Variants in LRFN2 observed in about 807,000 individuals in gnomAD.
LRFN2 encodes leucine rich repeat and fibronectin type III domain containing 2, also known as leucine-rich repeat and fibronectin type-III domain-containing protein 2.
A neutral mutation model predicts 37.3 loss-of-function variants in LRFN2; 18 were observed. That is an observed-to-expected ratio of 0.48 (90% confidence interval 0.33 to 0.72). The LOEUF is 0.72. Ranked by LOEUF, LRFN2 falls within the 30% of genes least tolerant of loss-of-function variation. The probability of loss-of-function intolerance (pLI) is 0.02; values close to 1 mark genes in which losing one functional copy is unlikely to be tolerated. For missense variants in LRFN2, 1,006 were observed against 1,060.7 expected, an observed-to-expected ratio of 0.95 and a Z score of 0.72; for synonymous variants, 556 against 466.6, an observed-to-expected ratio of 1.19 and a Z score of -2.47.
intron 1 of LRFN2, among the ~76,000 whole-genome samples, chr6:40,480,755 G>A (rs1029348159): frequency 6.6e-6 from 1 of 152,150 alleles, no homozygotes. Flanking sequence ...CTGCAGGGAG[G>A]GTTGTGATTA....
chr6:40,408,250 A>G (rs960320426), intron 2 of LRFN2, among the ~76,000 whole-genome samples: 5 of 152,222 alleles, frequency 3.3e-5, no homozygotes, highest in African/African-American at 4.8e-5. Context: ...ACAATAAAAA[A>G]TGGCAAAAAA....
At chr6:40,485,748 T>A (rs1764942121) in intron 1 of LRFN2, among the ~76,000 whole-genome samples, 1 of 152,184 alleles carries the variant, frequency 6.6e-6, no homozygotes, top group African/African-American at 2.4e-5. Context: ...AGGAAAGCTG[T>A]AGCTCAAGGT....
intron 1 of LRFN2, chr6:40,501,789 T>C (rs916452935): frequency 6.6e-6 from 1 of 152,056 alleles, no homozygotes; most frequent in Non-Finnish European, 1.5e-5. Context: ...AGCCAGACAC[T>C]CTTGTGAGCA....
intron 2 of LRFN2, among the ~76,000 whole-genome samples, chr6:40,402,606 T>C (rs1049583574): frequency 7.2e-5 from 11 of 152,252 alleles, no homozygotes; most frequent in African/African-American, 1.4e-4. Flanking sequence ...ATTATCATTA[T>C]GGATGAGAAA....
At chr6:40,531,003 A>G (rs773746961) in intron 1 of LRFN2, among the ~76,000 whole-genome samples, 5 of 152,226 alleles carry the variant, frequency 3.3e-5, no homozygotes, top group Non-Finnish European at 7.3e-5. Context: ...TTGAAATACC[A>G]GATGCATCCA....
At chr6:40,451,295 G>A (rs1764099251) in intron 1 of LRFN2, among the ~76,000 whole-genome samples, 1 of 152,204 alleles carries the variant, frequency 6.6e-6, no homozygotes, top group African/African-American at 2.4e-5. Flanking sequence ...AAGCTGGCAA[G>A]AAGTGGGGCC....
chr6:40,567,693 GTA>G (rs1210265441), intron 1 of LRFN2, among the ~76,000 whole-genome samples: 7 of 152,236 alleles, frequency 4.6e-5, no homozygotes, highest in African/African-American at 1.4e-4. Flanking sequence ...GGACATGTTT[GTA>G]TACAAGCACT....
At chr6:40,579,372 G>A (rs1374732938) in intron 1 of LRFN2, among the ~76,000 whole-genome samples, 1 of 152,096 alleles carries the variant, frequency 6.6e-6, no homozygotes, top group Non-Finnish European at 1.5e-5. Context: ...AAATTGGGAC[G>A]ATGACCCCAA....
intron 1 of LRFN2, among the ~76,000 whole-genome samples, chr6:40,491,244 A>G (rs924432185): frequency 2.0e-5 from 3 of 152,120 alleles, no homozygotes; most frequent in African/African-American, 7.2e-5. Flanking sequence ...CCCCACCTCA[A>G]TGTCTTTCCT....
At chr6:40,534,188 T>C (rs1412553701) in intron 1 of LRFN2, among the ~76,000 whole-genome samples, 1 of 152,188 alleles carries the variant, frequency 6.6e-6, no homozygotes, top group African/African-American at 2.4e-5. Context: ...GACCCAGTGT[T>C]AGCTCTGCCA....
chr6:40,500,082 C>T (rs1765337331), intron 1 of LRFN2, among the ~76,000 whole-genome samples: 1 of 152,244 alleles, frequency 6.6e-6, no homozygotes, highest in African/African-American at 2.4e-5. Context: ...AGCACGAAAG[C>T]CCTCTTAGCC....
At chr6:40,425,643 G>T (rs531780011) in intron 2 of LRFN2, among the ~76,000 whole-genome samples, 1 of 152,262 alleles carries the variant, frequency 6.6e-6, no homozygotes, top group South Asian at 2.1e-4. Context: ...CTGGGCCCTG[G>T]CATTGAGGGA....
chr6:40,474,573 T>C (rs1053423406), intron 1 of LRFN2, among the ~76,000 whole-genome samples: 1 of 152,216 alleles, frequency 6.6e-6, no homozygotes, highest in African/African-American at 2.4e-5. Flanking sequence ...CACTGCAACC[T>C]CTGCCTCCTG....
At position 40,557,185 on chromosome 6, in the gene LRFN2, C is replaced by T. The variant is rs147036504; in HGVS notation, c.-19+29756G>A. On this transcript the variant is annotated intron_variant, in intron 1 of 2. Coordinates refer to ENST00000338305, the MANE Select transcript of LRFN2 (RefSeq NM_020737.3). ...ACAGTGCCTCCTCACTCACCCGAGG[C>T]GAGGTCTCCATGAGTCCAGCACATG... is the stretch of plus-strand genomic sequence containing the variant. Among the ~76,000 whole-genome samples, 330 of 152,244 alleles carry T rather than the reference C, an allele frequency of 2.2e-3. 2 individuals carry two copies. Among genetic ancestry groups the T allele is most frequent in the African/African-American group, 7.5e-3 (312 of 41,530 alleles).
At chr6:40,497,969 TGAA>T (rs1345079497) in intron 1 of LRFN2, among the ~76,000 whole-genome samples, 1 of 152,312 alleles carries the variant, frequency 6.6e-6, no homozygotes, top group Non-Finnish European at 1.5e-5. Context: ...GAGCTGACCT[TGAA>T]GAAGGAGAGA....
chr6:40,523,279 C>T (rs1364553308), intron 1 of LRFN2, among the ~76,000 whole-genome samples: 1 of 152,082 alleles, frequency 6.6e-6, no homozygotes, highest in Non-Finnish European at 1.5e-5. Flanking sequence ...GGACTCTGGC[C>T]TCCAGTTTTG....
chr6:40,520,073 C>A (rs776764186), intron 1 of LRFN2, among the ~76,000 whole-genome samples: 1 of 151,956 alleles, frequency 6.6e-6, no homozygotes, highest in African/African-American at 2.4e-5. Context: ...CAAAGGTAGG[C>A]AGGGCCAGGG....
chr6:40,501,936 G>A (rs1385743078), intron 1 of LRFN2, among the ~76,000 whole-genome samples: 1 of 152,184 alleles, frequency 6.6e-6, no homozygotes, highest in Non-Finnish European at 1.5e-5. Context: ...TTTGTCATTA[G>A]TGACTTCATG....
At chr6:40,516,864 C>T (rs1050947045) in intron 1 of LRFN2, among the ~76,000 whole-genome samples, 2 of 152,156 alleles carry the variant, frequency 1.3e-5, no homozygotes, top group Non-Finnish European at 2.9e-5. Context: ...AAGAAAGGGG[C>T]AGAAAAAGAC....
Sources: allele counts gnomAD v4.1 joint callset (sites outside exome capture counted in the v4.1 genomes callset), GRCh38; gene constraint gnomAD v4.1.1; transcripts MANE v1.5; gene names NCBI Gene and HGNC (gene_info 2026-07-23, HGNC 2026-07-21).